The following GALNT17 variants were observed in gnomAD, a reference collection of about 807,000 sequenced individuals.
The protein encoded by GALNT17 is polypeptide N-acetylgalactosaminyltransferase 17.
GALNT17 carries 29 observed loss-of-function variants against 63.7 expected under a neutral mutation model. The observed-to-expected ratio is 0.46, with a 90% CI of 0.34 to 0.62. GALNT17 has a LOEUF of 0.62. Ranked by LOEUF, GALNT17 falls within the 20% of genes least tolerant of loss-of-function variation. The pLI, the probability that GALNT17 is intolerant of heterozygous loss-of-function variation, is 0.01. For missense variants in GALNT17, 603 were observed against 799.6 expected, an observed-to-expected ratio of 0.75 and a Z score of 2.97; for synonymous variants, 305 against 318.3, an observed-to-expected ratio of 0.96 and a Z score of 0.45.
At chr7:71,264,724 G>C (rs574754436) in intron 1 of GALNT17, among the ~76,000 whole-genome samples, 104 of 152,082 alleles carry the variant, frequency 6.8e-4, no homozygotes, top group African/African-American at 2.4e-3. Flanking sequence ...AATAAGTCGG[G>C]CACAGAAAAG....
chr7:71,412,440 G>C (rs192094186), intron 3 of GALNT17, among the ~76,000 whole-genome samples: 64 of 151,532 alleles, frequency 4.2e-4, no homozygotes, highest in African/African-American at 1.5e-3. Flanking sequence ...GAGCAATCTC[G>C]GCTCACTGCA....
chr7:71,216,631 TATAC>T (rs1336305157), intron 1 of GALNT17, among the ~76,000 whole-genome samples: 3 of 151,000 alleles, frequency 2.0e-5, no homozygotes, highest in Admixed American at 1.3e-4. Flanking sequence ...CACACACACA[TATAC>T]ATATATATAC....
At chr7:71,473,551 T>G (rs571863803) in intron 5 of GALNT17, among the ~76,000 whole-genome samples, 1 of 152,324 alleles carries the variant, frequency 6.6e-6, no homozygotes, top group South Asian at 2.1e-4. Flanking sequence ...TTTCTCAGTC[T>G]TATGATCTCT....
intron 1 of GALNT17, among the ~76,000 whole-genome samples, chr7:71,211,883 A>G (rs1789384409): frequency 6.6e-6 from 1 of 152,224 alleles, no homozygotes; most frequent in Non-Finnish European, 1.5e-5. Flanking sequence ...CATTCAAGAC[A>G]TGACTTGGGT....
intron 1 of GALNT17, among the ~76,000 whole-genome samples, chr7:71,238,734 C>T (rs529237847): frequency 1.1e-4 from 16 of 152,286 alleles, no homozygotes; most frequent in African/African-American, 2.6e-4. Context: ...CTGGTGGCCC[C>T]GTGGGGGTCT....
At chr7:71,661,220 C>T (rs996577523) in intron 6 of GALNT17, among the ~76,000 whole-genome samples, 3 of 152,164 alleles carry the variant, frequency 2.0e-5, no homozygotes, top group African/African-American at 4.8e-5. Context: ...GCAGGAAGGG[C>T]CAGTGTCTGC....
intron 8 of GALNT17, among the ~76,000 whole-genome samples, chr7:71,673,207 T>A (rs1233022898): frequency 6.6e-6 from 1 of 152,128 alleles, no homozygotes; most frequent in African/African-American, 2.4e-5. Context: ...AAGCAAATAA[T>A]CTGAAATAAG....
chr7:71,149,828 C>T (rs1344367376), intron 1 of GALNT17, among the ~76,000 whole-genome samples: 1 of 152,194 alleles, frequency 6.6e-6, no homozygotes, highest in Non-Finnish European at 1.5e-5. Context: ...TGCCCCGTGT[C>T]CTTCCTATGA....
intron 2 of GALNT17, among the ~76,000 whole-genome samples, chr7:71,363,608 C>A (rs1003480558): frequency 1.4e-4 from 22 of 152,236 alleles, no homozygotes; most frequent in African/African-American, 5.3e-4. Flanking sequence ...CAAAACCAGC[C>A]TTCTTTAGTA....
chr7:71,188,121 A>G (rs919398095), intron 1 of GALNT17, among the ~76,000 whole-genome samples: 67 of 152,112 alleles, frequency 4.4e-4, no homozygotes, highest in Admixed American at 4.4e-3. Context: ...CTCTTTATCC[A>G]TTACCCATGT....
chr7:71,599,549 C>T (rs1789934848), intron 6 of GALNT17, among the ~76,000 whole-genome samples: 1 of 151,990 alleles, frequency 6.6e-6, no homozygotes, highest in South Asian at 2.1e-4. Context: ...CTCTGAATAC[C>T]AGTCAGGGAC....
chr7:71,328,472 G>C (rs926266810), intron 1 of GALNT17, among the ~76,000 whole-genome samples: 1 of 151,996 alleles, frequency 6.6e-6, no homozygotes, highest in Non-Finnish European at 1.5e-5. Context: ...CTGAGCAAGG[G>C]GCACTTGCAG....
intron 6 of GALNT17, among the ~76,000 whole-genome samples, chr7:71,647,058 TTTTA>T (rs1216507812): frequency 1.7e-4 from 26 of 149,960 alleles, no homozygotes; most frequent in African/African-American, 5.9e-4. Flanking sequence ...ATTTTGCTAT[TTTTA>T]TTTATTTTAT....
chr7:71,600,090 G>A (rs1047909465), intron 6 of GALNT17, among the ~76,000 whole-genome samples: 6 of 151,578 alleles, frequency 4.0e-5, no homozygotes, highest in African/African-American at 1.5e-4. Flanking sequence ...AGGGTAATAC[G>A]CCCCCCACCT....
intron 1 of GALNT17, among the ~76,000 whole-genome samples, chr7:71,182,280 A>C (rs375812378): frequency 6.6e-6 from 1 of 152,240 alleles, no homozygotes; most frequent in Non-Finnish European, 1.5e-5. Context: ...TCAATCAGTC[A>C]TCTCAGACTT....
At chr7:71,464,591 T>C (rs1787505345) in intron 5 of GALNT17, among the ~76,000 whole-genome samples, 1 of 152,116 alleles carries the variant, frequency 6.6e-6, no homozygotes, top group Admixed American at 6.5e-5. Context: ...ACCACAGATA[T>C]TTGCTGGGAA....
At chr7:71,661,826 T>C (rs1790911912) in intron 6 of GALNT17, among the ~76,000 whole-genome samples, 1 of 152,150 alleles carries the variant, frequency 6.6e-6, no homozygotes, top group South Asian at 2.1e-4. Flanking sequence ...CTTAGTGTGC[T>C]GGCTGATATC....
chr7:71,592,994 A>C (rs936058130), intron 6 of GALNT17, among the ~76,000 whole-genome samples: 27 of 151,998 alleles, frequency 1.8e-4, no homozygotes, highest in African/African-American at 6.3e-4. Flanking sequence ...CAAAAGCTTT[A>C]CAAAATTAGC....
chr7:71,194,216 A>G (rs1789004743), intron 1 of GALNT17, among the ~76,000 whole-genome samples: 1 of 151,986 alleles, frequency 6.6e-6, no homozygotes, highest in East Asian at 1.9e-4. Context: ...CCACCATATC[A>G]AGCAGATATG....
Sources: gnomAD v4.1 joint callset for allele counts (sites outside exome capture counted in the v4.1 genomes callset) on GRCh38, gnomAD v4.1.1 for gene constraint, MANE v1.5 for transcripts, NCBI Gene and HGNC (gene_info 2026-07-23, HGNC 2026-07-21) for gene names.